ZNF804B: variants seen among roughly 807,000 people sequenced by gnomAD.
ZNF804B encodes zinc finger protein 804B.
A neutral mutation model predicts 101.4 loss-of-function variants in ZNF804B; 80 were observed. The ratio of observed to expected loss-of-function variants is 0.79; its 90% confidence interval spans 0.66 to 0.95. The LOEUF (loss-of-function observed/expected upper bound fraction) is 0.95, where lower values mean the gene tolerates loss of function less well. Ranked by LOEUF, ZNF804B falls within the 40% of genes least tolerant of loss-of-function variation. The probability of loss-of-function intolerance (pLI) is 0.00; values close to 1 mark genes in which losing one functional copy is unlikely to be tolerated. For missense variants in ZNF804B, 1,673 were observed against 1,561.9 expected (o/e 1.07, Z -1.20); for synonymous variants, 622 against 558.8 (o/e 1.11, Z -1.59).
chr7:88,771,927 T>G (rs1025676415), intron 1 of ZNF804B, among the ~76,000 whole-genome samples: 1 of 152,128 alleles, frequency 6.6e-6, no homozygotes, highest in African/African-American at 2.4e-5. Context: ...CTTGGACTTC[T>G]CACAAAAATG....
intron 1 of ZNF804B, among the ~76,000 whole-genome samples, chr7:88,780,757 A>G (rs1190349632): frequency 6.6e-6 from 1 of 152,162 alleles, no homozygotes; most frequent in African/African-American, 2.4e-5. Flanking sequence ...AAAGACATCA[A>G]AAGTGTGTAA....
chr7:88,867,756 A>G (rs1791753358), intron 1 of ZNF804B, among the ~76,000 whole-genome samples: 2 of 152,186 alleles, frequency 1.3e-5, no homozygotes, highest in South Asian at 4.1e-4. Flanking sequence ...TTGAGTTCTT[A>G]TATATGTCTA....
intron 1 of ZNF804B, chr7:88,794,356 G>T (rs1472044483): frequency 6.2e-7 from 1 of 1,613,858 alleles, no homozygotes; most frequent in South Asian, 1.1e-5. Flanking sequence ...GTTATCGCCT[G>T]GTCCTTTAGT....
At position 89,336,484 on chromosome 7, in the gene ZNF804B, C is replaced by T; in HGVS notation, c.3502C>T (p.His1168Tyr). 1 of 1,614,070 alleles carries T rather than the reference C, an allele frequency of 6.2e-7. No individual in the cohort carries two copies. Among genetic ancestry groups the T allele is most frequent in the Non-Finnish European group, 8.5e-7 (1 of 1,180,006 alleles). The change falls in exon 4 of 4, where the codon CAT becomes TAT. Residue 1168 changes from histidine to tyrosine, a missense_variant. His to Tyr is a moderately conservative substitution (Grantham distance 83, BLOSUM62 2). Coordinates refer to ENST00000333190, the MANE Select transcript of ZNF804B (RefSeq NM_181646.5). ...GATCCTACAGCTACAAGCCCAGCAG[C>T]ATATGCAGAAGCAACTCCTATCAAA... is the stretch of plus-strand genomic sequence containing the variant. ...YKILQLQAQQHMQKQLLSKHL... is the reference protein window; with the variant it reads ...YKILQLQAQQYMQKQLLSKHL...
At chr7:88,948,401 C>A (rs1262984633) in intron 1 of ZNF804B, among the ~76,000 whole-genome samples, 1 of 148,046 alleles carries the variant, frequency 6.8e-6, no homozygotes, top group Non-Finnish European at 1.5e-5. Context: ...GCCTCAACCT[C>A]CAAGGCTATG....
chr7:88,794,401 A>C, intron 1 of ZNF804B: 1 of 1,613,738 alleles, frequency 6.2e-7, no homozygotes, highest in Non-Finnish European at 8.5e-7. Context: ...GTAGAGTGAC[A>C]GTTTATGAGT....
At chr7:89,165,422 C>CA (rs141303031) in intron 1 of ZNF804B, among the ~76,000 whole-genome samples, 7,940 of 151,570 alleles carry the variant, frequency 0.052, 293 homozygotes, top group Middle Eastern at 0.082. Flanking sequence ...TTGTATTTCA[C>CA]AAAAAAGAAA....
chr7:88,978,865 A>G (rs1448325011), intron 1 of ZNF804B, among the ~76,000 whole-genome samples: 1 of 108,314 alleles, frequency 9.2e-6, no homozygotes, highest in East Asian at 2.7e-4. Flanking sequence ...CTTCCTTCCC[A>G]TCTTTCTTTT....
In ZNF804B at chr7:89,203,344, T is replaced by C. The variant is rs138802490; in HGVS notation, c.109-14811T>C. On this transcript the variant is annotated intron_variant, in intron 1 of 3. Coordinates refer to ENST00000333190, the MANE Select transcript of ZNF804B (RefSeq NM_181646.5). ...ATAAACTGATGTACAGAACTTCTTTTTGAGGTTTTCTGACGTCACTTATCC... is the reference window on the plus strand; with the variant it reads ...ATAAACTGATGTACAGAACTTCTTTCTGAGGTTTTCTGACGTCACTTATCC... 4.9e-4 allele frequency among the ~76,000 whole-genome samples: 74 copies of C among 152,300 alleles called. No homozygotes were observed. The East Asian group carries it at 5.4e-3, about 11-fold the overall frequency.
intron 1 of ZNF804B, among the ~76,000 whole-genome samples, chr7:88,895,621 A>G (rs1173287128): frequency 3.9e-5 from 6 of 152,158 alleles, no homozygotes; most frequent in Non-Finnish European, 7.4e-5. Context: ...AGTGAAATGC[A>G]TGGTTATGGG....
At chr7:89,292,809 G>T (rs1584108973) in intron 2 of ZNF804B, among the ~76,000 whole-genome samples, 1 of 151,654 alleles carries the variant, frequency 6.6e-6, no homozygotes, top group East Asian at 1.9e-4. Context: ...AAAATTAATT[G>T]TATTTTTATA....
intron 1 of ZNF804B, among the ~76,000 whole-genome samples, chr7:88,792,405 C>T (rs1035342750): frequency 7.2e-5 from 11 of 151,954 alleles, no homozygotes; most frequent in African/African-American, 2.7e-4. Flanking sequence ...AAATAATATT[C>T]CCAAACAAAA....
At chr7:88,907,504 A>G (rs939526885) in intron 1 of ZNF804B, among the ~76,000 whole-genome samples, 2 of 152,040 alleles carry the variant, frequency 1.3e-5, no homozygotes, top group Non-Finnish European at 2.9e-5. Context: ...TAACATTGCT[A>G]TAGCATTTAA....
At chr7:89,103,073 T>TTTGTTTTG (rs1562885494) in intron 1 of ZNF804B, among the ~76,000 whole-genome samples, 1 of 136,066 alleles carries the variant, frequency 7.3e-6, no homozygotes, top group African/African-American at 3.0e-5. Context: ...TTTTTTTTTT[T>TTTGTTTTG]TTTTTTTTTT....
intron 1 of ZNF804B, among the ~76,000 whole-genome samples, chr7:89,108,233 TTTC>T (rs201505219): frequency 0.19 from 28,186 of 150,054 alleles, 2,681 homozygotes; most frequent in African/African-American, 0.24. Flanking sequence ...CTTTTTTTTT[TTTC>T]TTTTCTTCCA....
In ZNF804B at chr7:89,056,252, A is replaced by T. The variant is rs566733484; in HGVS notation, c.109-161903A>T. On this transcript the variant is annotated intron_variant, in intron 1 of 3. Transcript: ENST00000333190. ...AAGATTCCTTGTCCTGTAGCATAGG[A>T]TAAATGTAGAGGTGGGCAAAATTGG... Among the ~76,000 whole-genome samples, 208 of 152,202 alleles carry T rather than the reference A, an allele frequency of 1.4e-3. 3 individuals carry two copies. The highest frequency in any genetic ancestry group is 3.7e-3 in the Admixed American group (56 of 15,272).
At position 89,007,885 on chromosome 7, in the gene ZNF804B, G is replaced by T. The variant is rs532693467; in HGVS notation, c.109-210270G>T. Among the ~76,000 whole-genome samples, 1,180 of 151,682 alleles carry T rather than the reference G, an allele frequency of 7.8e-3. 20 individuals are homozygous for T. The highest frequency in any genetic ancestry group is 0.027 in the African/African-American group (1,124 of 41,416). The stretch of plus-strand genomic sequence containing the variant: ...AGTGGAAATAAGTTTGTTAATATAT[G>T]CAAAATTAGTTAATAACCTATAAAG... On this transcript the variant is annotated intron_variant, in intron 1 of 3. Coordinates refer to ENST00000333190, the MANE Select transcript of ZNF804B (RefSeq NM_181646.5).
intron 1 of ZNF804B, among the ~76,000 whole-genome samples, chr7:88,783,591 T>G (rs1332664154): frequency 6.6e-6 from 1 of 152,150 alleles, no homozygotes; most frequent in Non-Finnish European, 1.5e-5. Flanking sequence ...GGTAAATAGG[T>G]TTGTTATACT....
rs1001814521 is a variant in ZNF804B at position 89,058,631 on chromosome 7, G to T, written c.109-159524G>T. Among the ~76,000 whole-genome samples the T allele has an allele frequency of 2.0e-5, 3 of 152,070 alleles. 1 individual carries two copies. The South Asian group carries it at 6.2e-4, about 31-fold the overall frequency. ...GTAGTACATGAAGGGAAAAAGACAG[G>T]GTGACACTTCCCACTGGGGAAAGTC... On this transcript the variant is annotated intron_variant, in intron 1 of 3. Transcript: ENST00000333190.
Sources: allele counts gnomAD v4.1 joint callset (sites outside exome capture counted in the v4.1 genomes callset), GRCh38; gene constraint gnomAD v4.1.1; transcripts MANE v1.5; gene names NCBI Gene and HGNC (gene_info 2026-07-23, HGNC 2026-07-21).